The following KCNK9 variants were observed in gnomAD, a reference collection of about 807,000 sequenced individuals.
The protein encoded by KCNK9 is potassium channel subfamily K member 9.
Under a neutral mutation model 10.8 loss-of-function variants are expected in KCNK9, and 1 was observed. The observed-to-expected ratio is 0.09, with a 90% CI of 0.03 to 0.44. The LOEUF is 0.44. Among genes scored for constraint, KCNK9 ranks in the 20% least tolerant of loss-of-function variants. The pLI is 0.97. For missense variants in KCNK9, 303 were observed against 515.0 expected, an observed-to-expected ratio of 0.59 and a Z score of 3.98; for synonymous variants, 231 against 222.7, an observed-to-expected ratio of 1.04 and a Z score of -0.33.
intron 1 of KCNK9, among the ~76,000 whole-genome samples, chr8:139,643,520 G>A (rs1477063910): frequency 6.6e-6 from 1 of 152,194 alleles, no homozygotes; most frequent in African/African-American, 2.4e-5. Context: ...TTCCCTCCTG[G>A]GCCAAGGTCA....
Position 139,624,429 on chromosome 8 carries a change from C to T in KCNK9, c.284-5330G>A, listed in dbSNP as rs532578781. Among the ~76,000 whole-genome samples the T allele has an allele frequency of 2.9e-4, 44 of 152,270 alleles. No individual in the cohort carries two copies. In the East Asian group the frequency reaches 3.1e-3, roughly 11 times the overall value. ...AGGGACCCTGGAGGGAGCTTACAGTCGGTTCCAGTTGAGTGGCTGTCCCAG... is the reference window on the plus strand; with the variant it reads ...AGGGACCCTGGAGGGAGCTTACAGTTGGTTCCAGTTGAGTGGCTGTCCCAG... On this transcript the variant is annotated intron_variant, in intron 1 of 1. Coordinates refer to ENST00000520439, the MANE Select transcript of KCNK9 (RefSeq NM_001282534.2).
intron 1 of KCNK9, among the ~76,000 whole-genome samples, chr8:139,641,289 A>C (rs903571806): frequency 6.6e-6 from 1 of 152,152 alleles, no homozygotes; most frequent in Admixed American, 6.5e-5. Flanking sequence ...CCCTCACCGC[A>C]TGGGGCTGCT....
intron 1 of KCNK9, among the ~76,000 whole-genome samples, chr8:139,696,369 G>A (rs1817051692): frequency 1.3e-5 from 2 of 152,188 alleles, no homozygotes; most frequent in Admixed American, 6.5e-5. Context: ...CTATAAGAAC[G>A]TTATACTTAA....
At chr8:139,659,750 C>T (rs948476416) in intron 1 of KCNK9, among the ~76,000 whole-genome samples, 3 of 146,170 alleles carry the variant, frequency 2.1e-5, no homozygotes, top group African/African-American at 7.7e-5. Context: ...TGGTCTCGAT[C>T]TGACTTCATG....
At chr8:139,613,384 A>G (rs1015001785), downstream of KCNK9, among the ~76,000 whole-genome samples, 29 of 152,166 alleles carry the variant, frequency 1.9e-4, no homozygotes, top group African/African-American at 6.8e-4. Context: ...GGTGTGGTCA[A>G]GAAAGAACCA....
At chr8:139,602,402 C>CT (rs1266339114) in intron 2 of KCNK9, among the ~76,000 whole-genome samples, 2 of 152,158 alleles carry the variant, frequency 1.3e-5, no homozygotes, top group Non-Finnish European at 2.9e-5. Flanking sequence ...TGTTAGATGT[C>CT]TTGTGGTGTG....
intron 1 of KCNK9, among the ~76,000 whole-genome samples, chr8:139,620,106 C>T (rs1182489037): frequency 1.3e-5 from 2 of 152,218 alleles, no homozygotes; most frequent in Admixed American, 1.3e-4. Flanking sequence ...GTCACCCAAG[C>T]TGGTCAGTGA....
downstream of KCNK9, chr8:139,611,617 T>C (rs1016585408): frequency 6.6e-6 from 1 of 152,404 alleles, no homozygotes; most frequent in African/African-American, 2.4e-5. Flanking sequence ...GCCCAACTTC[T>C]TCAGAGTGAC....
intron 1 of KCNK9, among the ~76,000 whole-genome samples, chr8:139,623,408 T>C (rs16911093): frequency 0.048 from 7,319 of 152,250 alleles, 556 homozygotes; most frequent in African/African-American, 0.16. Context: ...GCACAGGGGA[T>C]TCCACAAACA....
intron 1 of KCNK9, among the ~76,000 whole-genome samples, chr8:139,632,612 ATT>A (rs1455764869): frequency 6.6e-6 from 1 of 151,846 alleles, no homozygotes; most frequent in East Asian, 1.9e-4. Context: ...CTGCCGTATG[ATT>A]TTCTCTCTCT....
intron 1 of KCNK9, among the ~76,000 whole-genome samples, chr8:139,696,626 C>T (rs1448295402): frequency 6.6e-6 from 1 of 151,430 alleles, no homozygotes; most frequent in Non-Finnish European, 1.5e-5. Flanking sequence ...CCACTGAGTA[C>T]ACAGAGGAGG....
chr8:139,684,764 A>G (rs1816754836), intron 1 of KCNK9, among the ~76,000 whole-genome samples: 1 of 152,226 alleles, frequency 6.6e-6, no homozygotes, highest in Admixed American at 6.5e-5. Context: ...TAGAGACACT[A>G]AGGGATCTCC....
At chr8:139,609,966 G>C (rs1814367874), downstream of KCNK9, among the ~76,000 whole-genome samples, 1 of 152,062 alleles carries the variant, frequency 6.6e-6, no homozygotes, top group African/African-American at 2.4e-5. Context: ...TCTTGCCCTA[G>C]GTCACACAGC....
At chr8:139,681,212 G>C (rs559146007) in intron 1 of KCNK9, among the ~76,000 whole-genome samples, 6 of 152,172 alleles carry the variant, frequency 3.9e-5, no homozygotes, top group Non-Finnish European at 5.9e-5. Flanking sequence ...TTTACATATG[G>C]AAACACTAGG....
At chr8:139,681,182 G>T (rs1402901257) in intron 1 of KCNK9, among the ~76,000 whole-genome samples, 5 of 152,278 alleles carry the variant, frequency 3.3e-5, no homozygotes, top group African/African-American at 1.2e-4. Flanking sequence ...TCTCCAGAAG[G>T]CAGTCATCAT....
At chr8:139,657,573 C>T (rs970120125) in intron 1 of KCNK9, among the ~76,000 whole-genome samples, 3 of 152,156 alleles carry the variant, frequency 2.0e-5, no homozygotes, top group Admixed American at 2.0e-4. Context: ...AGCCAAAACC[C>T]CCCAGAGCCA....
intron 1 of KCNK9, among the ~76,000 whole-genome samples, chr8:139,684,500 A>G (rs1255376526): frequency 6.6e-6 from 1 of 152,240 alleles, no homozygotes; most frequent in Non-Finnish European, 1.5e-5. Flanking sequence ...ATAAGCTAAA[A>G]ATATGAACAT....
At chr8:139,646,522 A>G (rs565317455) in intron 1 of KCNK9, among the ~76,000 whole-genome samples, 1 of 152,352 alleles carries the variant, frequency 6.6e-6, no homozygotes, top group Admixed American at 6.5e-5. Flanking sequence ...AATACTTTTC[A>G]TCAATGACTT....
At chr8:139,664,262 C>T (rs1317874320) in intron 1 of KCNK9, among the ~76,000 whole-genome samples, 3 of 152,180 alleles carry the variant, frequency 2.0e-5, no homozygotes, top group East Asian at 3.9e-4. Flanking sequence ...GACTTCTCTG[C>T]AGTCCTTTCC....
Sources: gnomAD v4.1 joint callset for allele counts (sites outside exome capture counted in the v4.1 genomes callset) on GRCh38, gnomAD v4.1.1 for gene constraint, MANE v1.5 for transcripts, NCBI Gene and HGNC (gene_info 2026-07-23, HGNC 2026-07-21) for gene names.